Variants in MIER2 observed in about 807,000 individuals in gnomAD.
MIER2 encodes MIER family member 2, also known as mesoderm induction early response protein 2.
In MIER2, 30 loss-of-function variants were observed where a neutral mutation model predicts 67.6. The observed-to-expected ratio is 0.44, with a 90% confidence interval of 0.33 to 0.60. The LOEUF is 0.60. Ranked by LOEUF, MIER2 falls within the 20% of genes least tolerant of loss-of-function variation. The pLI is 0.02. For synonymous variants in MIER2, 372 were observed against 312.6 expected (o/e 1.19, Z -2.00); for missense variants, 702 against 745.1 (o/e 0.94, Z 0.67).
At chr19:314,710 A>C (rs554700365) in intron 7 of MIER2, among the ~76,000 whole-genome samples, 37 of 152,058 alleles carry the variant, frequency 2.4e-4, no homozygotes, top group South Asian at 6.2e-4. Context: ...GCTTGGACAG[A>C]GGTGGTCTCC....
chr19:310,562 G>T (rs376932636), intron 10 of MIER2, among the ~76,000 whole-genome samples: 1 of 149,682 alleles, frequency 6.7e-6, no homozygotes, highest in Admixed American at 6.8e-5. Flanking sequence ...AACACGGCCC[G>T]GAGCTATAGA....
intron 1 of MIER2, among the ~76,000 whole-genome samples, chr19:342,655 T>A (rs916596987): frequency 2.0e-5 from 3 of 150,600 alleles, no homozygotes; most frequent in Admixed American, 6.7e-5. Context: ...GCCACTGTGG[T>A]GCTTATGATT....
At chr19:318,006 C>A (rs1172761480) in intron 7 of MIER2, among the ~76,000 whole-genome samples, 1 of 151,956 alleles carries the variant, frequency 6.6e-6, no homozygotes, top group Non-Finnish European at 1.5e-5. Context: ...GAGATTGAGA[C>A]CAGCCTGGCC....
intron 6 of MIER2, among the ~76,000 whole-genome samples, chr19:326,219 G>A (rs76311809): frequency 2.6e-5 from 4 of 151,106 alleles, no homozygotes; most frequent in Admixed American, 1.3e-4. Context: ...AGCCACGGTC[G>A]GGATGCCAGG....
At chr19:330,639 T>C (rs1971983441) in intron 3 of MIER2, among the ~76,000 whole-genome samples, 1 of 152,046 alleles carries the variant, frequency 6.6e-6, no homozygotes, top group African/African-American at 2.4e-5. Context: ...ATGACTATAT[T>C]TGGAGACGGG....
rs201803724 is a variant in MIER2 at position 306,652 on chromosome 19, G to T, written c.*38C>A. 6.4e-7 allele frequency: 1 copy of T among 1,551,574 alleles called. No individual in the cohort carries two copies. Among genetic ancestry groups the T allele is most frequent in the Non-Finnish European group, 8.7e-7 (1 of 1,147,224 alleles). On this transcript the variant is annotated 3_prime_UTR_variant, in exon 14 of 14. Transcript: ENST00000264819. Reference sequence around the variant, plus strand: ...GAGGCGGGCCCAGCGGCAGCGCTAAGTCCAGTCTGGGCCGCATACGCCGCC... The same window carrying T: ...GAGGCGGGCCCAGCGGCAGCGCTAATTCCAGTCTGGGCCGCATACGCCGCC...
intron 3 of MIER2, among the ~76,000 whole-genome samples, chr19:330,962 G>A (rs964043517): frequency 4.6e-5 from 7 of 152,114 alleles, no homozygotes; most frequent in East Asian, 1.9e-4. Flanking sequence ...ACAATTATCC[G>A]AAAAGCTGTG....
chr19:306,265 G>A lies in MIER2; in HGVS notation c.*425C>T, dbSNP rs1025555072. Reference sequence around the variant, plus strand: ...CAGAGCCAAGCAGGGAGCTGAGGGCGCCCCGGCGGAGGCTGCTGGTGCGGG... The same window carrying A: ...CAGAGCCAAGCAGGGAGCTGAGGGCACCCCGGCGGAGGCTGCTGGTGCGGG... On this transcript the variant is annotated 3_prime_UTR_variant, in exon 14 of 14. Coordinates refer to ENST00000264819, the MANE Select transcript of MIER2 (RefSeq NM_017550.3). The A allele has an allele frequency of 5.3e-5, 11 of 206,348 alleles. No homozygotes were observed. Among genetic ancestry groups the A allele is most frequent in the African/African-American group, 2.1e-4 (9 of 42,502 alleles). 12.8% of individuals were successfully genotyped at this position (206,348 alleles called of 1,614,324 possible). A position where few individuals can be genotyped will look rare whatever the true frequency, so the allele number is the denominator to read the frequency against.
At chr19:317,262 GGGCA>G (rs1345718968) in intron 7 of MIER2, among the ~76,000 whole-genome samples, 2 of 149,502 alleles carry the variant, frequency 1.3e-5, no homozygotes, top group Non-Finnish European at 3.0e-5. Context: ...GCGCGGTGGC[GGGCA>G]CCTGTAATCC....
chr19:327,288 T>C (rs761988579), intron 4 of MIER2, 32 bp from the exon 5 acceptor site: 1 of 1,566,146 alleles, frequency 6.4e-7, no homozygotes, highest in South Asian at 1.2e-5. Flanking sequence ...TAAAGAACAT[T>C]TTACAGTTTA....
chr19:335,847 G>A (rs1600170682), intron 2 of MIER2, among the ~76,000 whole-genome samples: 1 of 152,118 alleles, frequency 6.6e-6, no homozygotes, highest in African/African-American at 2.4e-5. Context: ...GGGGGTGCTG[G>A]GCTCTGAGGA....
Position 306,876 on chromosome 19 carries a change from G to A in MIER2, c.1617-165C>T, listed in dbSNP as rs571252519. Among the ~76,000 whole-genome samples, 5 of 152,332 alleles carry A rather than the reference G, an allele frequency of 3.3e-5. No homozygotes were observed. In the South Asian group the frequency reaches 1.0e-3, roughly 32 times the overall value. On this transcript the variant is annotated intron_variant, in intron 13 of 13. Transcript: ENST00000264819. ...TGAGGGGAGCTGGTGGCTGGAGCAG[G>A]GGTGGGACAGCCTGGCACCTGCTCC...
Position 313,580 on chromosome 19 carries a change from T to G in MIER2, c.719A>C (p.Glu240Ala), listed in dbSNP as rs1453791894. The G allele has an allele frequency of 6.2e-7, 1 of 1,613,242 alleles. No homozygotes were observed. The highest frequency in any genetic ancestry group is 1.7e-5 in the Admixed American group (1 of 59,980). The change falls in exon 8 of 14, where the codon GAG becomes GCG. Residue 240 changes from glutamate (E) to alanine (A), a missense_variant. Physicochemically the swap from Glu to Ala is moderately radical, Grantham distance 107. Coordinates refer to ENST00000264819, the MANE Select transcript of MIER2 (RefSeq NM_017550.3). ...PSVLPEREVE[E>A]FLYRAVKRRW... ...CCGCTTCACCGCCCTGTACAGGAAC[T>G]CCTCCACCTCCCTCTCAGGGAGGAC...
At chr19:333,822 G>A (rs1431432356) in intron 3 of MIER2, among the ~76,000 whole-genome samples, 1 of 150,298 alleles carries the variant, frequency 6.7e-6, no homozygotes, top group Non-Finnish European at 1.5e-5. Flanking sequence ...CCGAGTAGCT[G>A]GGACTACAGT....
chr19:327,318 A>G (rs892676704), intron 4 of MIER2, 62 bp from the exon 5 acceptor site: 13 of 1,537,340 alleles, frequency 8.5e-6, no homozygotes, highest in Non-Finnish European at 8.7e-6. Flanking sequence ...CAATACCACT[A>G]ATGATAACAA....
At chr19:311,504 A>G (rs546553205) in intron 10 of MIER2, among the ~76,000 whole-genome samples, 2 of 152,288 alleles carry the variant, frequency 1.3e-5, no homozygotes, top group Admixed American at 6.5e-5. Flanking sequence ...TGTGGGGCCA[A>G]TGCTGGACAC....
intron 10 of MIER2, among the ~76,000 whole-genome samples, chr19:309,666 A>T (rs1279704657): frequency 8.9e-6 from 1 of 112,994 alleles, no homozygotes; most frequent in African/African-American, 4.3e-5. Context: ...GGACACACAC[A>T]CACACACACA....
At chr19:342,375 G>C (rs1278448885) in intron 1 of MIER2, among the ~76,000 whole-genome samples, 1 of 152,000 alleles carries the variant, frequency 6.6e-6, no homozygotes, top group African/African-American at 2.4e-5. Context: ...GGTCAGGGAA[G>C]GCCTGGGGGG....
intron 1 of MIER2, chr19:344,460 A>C (rs1369144741): frequency 2.5e-6 from 2 of 789,172 alleles, no homozygotes; most frequent in African/African-American, 3.8e-5. Context: ...CGCCCACCGG[A>C]CCCCCGACAC....
Sources: gnomAD v4.1 joint callset for allele counts (sites outside exome capture counted in the v4.1 genomes callset) on GRCh38, gnomAD v4.1.1 for gene constraint, MANE v1.5 for transcripts, NCBI Gene and HGNC (gene_info 2026-07-23, HGNC 2026-07-21) for gene names.